The following ELMOD1 variants were observed in gnomAD, a reference collection of about 807,000 sequenced individuals.
ELMOD1 encodes ELMO domain containing 1.
Under a neutral mutation model 46.7 loss-of-function variants are expected in ELMOD1, and 21 were observed. That is an observed-to-expected ratio of 0.45 (90% confidence interval 0.32 to 0.65). The LOEUF (loss-of-function observed/expected upper bound fraction) is 0.65, where lower values mean the gene tolerates loss of function less well. Ranked by LOEUF, ELMOD1 falls within the 30% of genes least tolerant of loss-of-function variation. ELMOD1 has a pLI of 0.04. For missense variants in ELMOD1, 348 were observed against 407.8 expected (o/e 0.85, Z 1.26); for synonymous variants, 122 against 138.2 (o/e 0.88, Z 0.82).
At chr11:107,654,037 G>C in intron 9 of ELMOD1, 135 bp from the exon 10 acceptor site, 2 of 727,850 alleles carry the variant, frequency 2.7e-6, no homozygotes, top group Non-Finnish European at 4.7e-6. Context: ...TTGTACTGTG[G>C]CTTAACATTT....
At chr11:107,625,982 CA>C (rs1480725837) in intron 2 of ELMOD1, among the ~76,000 whole-genome samples, 8 of 152,078 alleles carry the variant, frequency 5.3e-5, no homozygotes, top group East Asian at 3.9e-4. Context: ...CAGAAATAAA[CA>C]AAAAAACTGC....
At chr11:107,614,862 A>G (rs1208592875) in intron 1 of ELMOD1, among the ~76,000 whole-genome samples, 1 of 152,118 alleles carries the variant, frequency 6.6e-6, no homozygotes, top group Non-Finnish European at 1.5e-5. Context: ...TCTTATACAT[A>G]TTCTGCACTC....
At chr11:107,617,735 T>C (rs1033026751) in intron 1 of ELMOD1, among the ~76,000 whole-genome samples, 6 of 152,220 alleles carry the variant, frequency 3.9e-5, no homozygotes. Context: ...CGCCAGATAC[T>C]AGACTATTGG....
intron 2 of ELMOD1, among the ~76,000 whole-genome samples, chr11:107,623,063 G>A (rs1042063554): frequency 6.6e-6 from 1 of 152,090 alleles, no homozygotes; most frequent in African/African-American, 2.4e-5. Flanking sequence ...CCATGTTGGT[G>A]TGCTGTACCC....
At chr11:107,607,989 G>GTTTGT (rs1271167201) in intron 1 of ELMOD1, among the ~76,000 whole-genome samples, 2 of 95,604 alleles carry the variant, frequency 2.1e-5, no homozygotes, top group Non-Finnish European at 4.3e-5. Context: ...GAATTTTTTT[G>GTTTGT]TTTGTTTTGT....
intron 1 of ELMOD1, among the ~76,000 whole-genome samples, chr11:107,609,317 T>C (rs1184538824): frequency 6.6e-6 from 1 of 152,256 alleles, no homozygotes; most frequent in Non-Finnish European, 1.5e-5. Context: ...TTAGGAAGAT[T>C]ATAAAAATGA....
chr11:107,654,089 A>G lies in ELMOD1; in HGVS notation c.648-83A>G, dbSNP rs1866576931. ...ACAGACATCTCTGCATATAGTTAAC[A>G]GTTTTAACATAAGCATTAAAAGAGA... On this transcript the variant is annotated intron_variant, in intron 9 of 11. Transcript: ENST00000265840. The G allele has an allele frequency of 2.7e-6, 3 of 1,129,370 alleles. No homozygotes were observed. In the Admixed American group the frequency reaches 6.0e-5, roughly 23 times the overall value. 70.0% of individuals were successfully genotyped at this position (1,129,370 alleles called of 1,614,324 possible). A position where few individuals can be genotyped will look rare whatever the true frequency, so the allele number is the denominator to read the frequency against.
chr11:107,655,656 G>T (rs1418512833), intron 10 of ELMOD1, among the ~76,000 whole-genome samples: 3 of 139,696 alleles, frequency 2.1e-5, no homozygotes, highest in Non-Finnish European at 4.5e-5. Context: ...TCCGTGGGTA[G>T]AGCAGCCCCA....
chr11:107,604,397 G>T (rs1470845472), intron 1 of ELMOD1, among the ~76,000 whole-genome samples: 1 of 152,140 alleles, frequency 6.6e-6, no homozygotes, highest in Non-Finnish European at 1.5e-5. Flanking sequence ...TCAGAGTCAG[G>T]AAATGAGAGT....
chr11:107,594,505 T>C lies in ELMOD1; in HGVS notation c.-86+3096T>C, dbSNP rs927662692. On this transcript the variant is annotated intron_variant, in intron 1 of 11. Transcript: ENST00000265840. ...ACTTCGGTGAATGGACCTCAGTGCA[T>C]TTAAAATAGCAATTGATCTGCTCTT... Among the ~76,000 whole-genome samples the C allele has an allele frequency of 4.6e-5, 7 of 152,144 alleles. No individual in the cohort carries two copies. The East Asian group carries it at 1.3e-3, about 29-fold the overall frequency.
chr11:107,663,284 C>T (rs1323712050), intron 11 of ELMOD1, among the ~76,000 whole-genome samples: 2 of 152,084 alleles, frequency 1.3e-5, no homozygotes, highest in African/African-American at 2.4e-5. Context: ...GGTGTGTACC[C>T]TCATCAGAAA....
chr11:107,608,774 A>G (rs1224694786), intron 1 of ELMOD1, among the ~76,000 whole-genome samples: 4 of 152,148 alleles, frequency 2.6e-5, no homozygotes, highest in Admixed American at 2.6e-4. Flanking sequence ...TGGCAGGGTA[A>G]CTGTTTTTAT....
chr11:107,643,759 T>C, intron 6 of ELMOD1: 1 of 472,326 alleles, frequency 2.1e-6, no homozygotes, highest in South Asian at 1.7e-5. Flanking sequence ...TCTTATGTTC[T>C]GTTGCGTATA....
At chr11:107,639,562 T>C (rs1866284255) in intron 6 of ELMOD1, among the ~76,000 whole-genome samples, 1 of 152,196 alleles carries the variant, frequency 6.6e-6, no homozygotes, top group Non-Finnish European at 1.5e-5. Flanking sequence ...CCTTGAATGC[T>C]CTGGCTCGAG....
At chr11:107,599,470 G>A (rs555940661) in intron 1 of ELMOD1, among the ~76,000 whole-genome samples, 8 of 152,044 alleles carry the variant, frequency 5.3e-5, no homozygotes, top group Admixed American at 3.9e-4. Context: ...TGCCAGGTGC[G>A]GTGGCTCACA....
chr11:107,654,750 C>G (rs967436115), intron 10 of ELMOD1, among the ~76,000 whole-genome samples: 2 of 101,868 alleles, frequency 2.0e-5, no homozygotes, highest in Non-Finnish European at 3.7e-5. Flanking sequence ...GCCTGGGCGA[C>G]AAAGCGAGAC....
chr11:107,656,182 G>A (rs1866628394), intron 11 of ELMOD1, 116 bp downstream of exon 11: 1 of 1,141,046 alleles, frequency 8.8e-7, no homozygotes. Flanking sequence ...GAGCTCAGGA[G>A]TTCAAGACCA....
chr11:107,663,252 C>T (rs1365409050), intron 11 of ELMOD1, among the ~76,000 whole-genome samples: 1 of 152,126 alleles, frequency 6.6e-6, no homozygotes, highest in Non-Finnish European at 1.5e-5. Context: ...TGTGTAACCT[C>T]AAGGCCAGTA....
At chr11:107,603,932 A>G (rs1273086383) in intron 1 of ELMOD1, among the ~76,000 whole-genome samples, 1 of 152,140 alleles carries the variant, frequency 6.6e-6, no homozygotes, top group Non-Finnish European at 1.5e-5. Context: ...TACATCAGCA[A>G]TGTTGATTGT....
Sources: gnomAD v4.1 joint callset for allele counts (sites outside exome capture counted in the v4.1 genomes callset) on GRCh38, gnomAD v4.1.1 for gene constraint, MANE v1.5 for transcripts, NCBI Gene and HGNC (gene_info 2026-07-23, HGNC 2026-07-21) for gene names.